The following SKI variants were observed in gnomAD, a reference collection of about 807,000 sequenced individuals.
SKI encodes the protein SKI proto-oncogene, also known as ski oncogene.
In SKI, 23 loss-of-function variants were observed where a neutral mutation model predicts 59.3. The observed-to-expected ratio is 0.39, with a 90% confidence interval of 0.28 to 0.55. The LOEUF (loss-of-function observed/expected upper bound fraction) is 0.55, where lower values mean the gene tolerates loss of function less well. Among genes scored for constraint, SKI ranks in the 20% least tolerant of loss-of-function variants. The pLI is 0.67. For synonymous variants in SKI, 673 were observed against 488.6 expected (o/e 1.38, Z -4.98); for missense variants, 1,017 against 1,038.9 (o/e 0.98, Z 0.29).
At chr1:2,288,152 C>T (rs996227979) in intron 1 of SKI, among the ~76,000 whole-genome samples, 2 of 152,170 alleles carry the variant, frequency 1.3e-5, no homozygotes, top group African/African-American at 4.8e-5. Context: ...CCACGCCTGG[C>T]TAATTTTTGT....
rs1346429371 is a variant in SKI at position 2,239,229 on chromosome 1, G to GT, written c.969+9503dup. Among the ~76,000 whole-genome samples, 15 of 151,954 alleles carry GT rather than the reference G, an allele frequency of 9.9e-5. No individual in the cohort carries two copies. In the South Asian group the frequency reaches 1.0e-3, roughly 11 times the overall value. On this transcript the variant is annotated intron_variant, in intron 1 of 6. Transcript: ENST00000378536. The stretch of plus-strand genomic sequence containing the variant: ...GACAGTTTTGTTGTAAATTTGCTAA[G>GT]TTTTTTTTTGCAGAACTATCAAAAC...
intron 1 of SKI, among the ~76,000 whole-genome samples, chr1:2,283,232 G>C (rs1237478517): frequency 6.6e-6 from 1 of 152,256 alleles, no homozygotes; most frequent in Non-Finnish European, 1.5e-5. Flanking sequence ...TCTGCTTACA[G>C]TTGAACACTT....
Position 2,229,811 on chromosome 1 carries a change from C to T in SKI, c.969+76C>T, listed in dbSNP as rs761314970. ...CCCCTTCTGGACTACAGGCTCTGGT[C>T]TCCGAAGGCTGGGACCTGTGCTTCT... On this transcript the variant is annotated intron_variant, in intron 1 of 6. Transcript: ENST00000378536. The surrounding 1 kb of genome is among the most constrained non-coding windows in gnomAD (Gnocchi z 6.3). 19 of 1,547,142 alleles carry T rather than the reference C, an allele frequency of 1.2e-5. No homozygotes were observed. Among genetic ancestry groups the T allele is most frequent in the Non-Finnish European group, 1.7e-5 (19 of 1,145,546 alleles).
At chr1:2,275,171 G>A (rs1303870801) in intron 1 of SKI, among the ~76,000 whole-genome samples, 1 of 152,244 alleles carries the variant, frequency 6.6e-6, no homozygotes, top group Non-Finnish European at 1.5e-5. Flanking sequence ...TTGGGGGCCC[G>A]GTGGAGATGT....
At chr1:2,273,442 T>G (rs1639672088) in intron 1 of SKI, among the ~76,000 whole-genome samples, 1 of 152,180 alleles carries the variant, frequency 6.6e-6, no homozygotes, top group South Asian at 2.1e-4. Context: ...ACTTCTCAGC[T>G]TGGCATGGGG....
chr1:2,264,771 C>G (rs970663895), intron 1 of SKI, among the ~76,000 whole-genome samples: 1 of 152,034 alleles, frequency 6.6e-6, no homozygotes, highest in African/African-American at 2.4e-5. Flanking sequence ...GAGAGATCTG[C>G]TCATCCTCTT....
chr1:2,233,303 G>C, intron 1 of SKI, among the ~76,000 whole-genome samples: 1 of 151,744 alleles, frequency 6.6e-6, no homozygotes, highest in South Asian at 2.1e-4. Flanking sequence ...TCTGGGCCGG[G>C]GGTCCTGCTC....
chr1:2,306,284 G>A, intron 6 of SKI, 34 bp downstream of exon 6: 1 of 1,509,478 alleles, frequency 6.6e-7, no homozygotes, highest in South Asian at 1.2e-5. Context: ...CACGCAGCAC[G>A]GTGGGCGTGG....
At chr1:2,264,013 TA>T (rs34137908) in intron 1 of SKI, among the ~76,000 whole-genome samples, 81,057 of 149,130 alleles carry the variant, frequency 0.54, 22,178 homozygotes, top group East Asian at 0.83. Context: ...CTGTTTCTAT[TA>T]AAAAAAAAAA....
intron 1 of SKI, among the ~76,000 whole-genome samples, chr1:2,276,973 A>G (rs879475024): frequency 6.6e-6 from 1 of 152,066 alleles, no homozygotes; most frequent in Non-Finnish European, 1.5e-5. Flanking sequence ...CATTGGGGAG[A>G]TTCCGACACA....
chr1:2,275,344 G>C (rs1639717838), intron 1 of SKI, among the ~76,000 whole-genome samples: 1 of 152,210 alleles, frequency 6.6e-6, no homozygotes, highest in Non-Finnish European at 1.5e-5. Flanking sequence ...GCTTCCTGTG[G>C]CTCCGCCGTC....
intron 1 of SKI, among the ~76,000 whole-genome samples, chr1:2,251,434 C>G (rs1169296443): frequency 6.6e-6 from 1 of 152,174 alleles, no homozygotes; most frequent in Non-Finnish European, 1.5e-5. Context: ...TGCCCCAGCC[C>G]CTGCTGAGGT....
At chr1:2,275,221 A>G (rs1339062394) in intron 1 of SKI, among the ~76,000 whole-genome samples, 2 of 152,186 alleles carry the variant, frequency 1.3e-5, no homozygotes, top group African/African-American at 2.4e-5. Flanking sequence ...TGGAAGGAAC[A>G]TCGGGCCCCT....
In SKI at chr1:2,303,603, T is replaced by G; in HGVS notation, c.1211+203T>G. On this transcript the variant is annotated intron_variant, in intron 3 of 6. Transcript: ENST00000378536. The surrounding 1 kb of genome is among the most constrained non-coding windows in gnomAD (Gnocchi z 5.6). Reference sequence around the variant, plus strand: ...CCTGTGTTCTGGGTGGAGTCGTGGGTGGAGCCCTGTCTGCTGGGCGCAGCT... The same window carrying G: ...CCTGTGTTCTGGGTGGAGTCGTGGGGGGAGCCCTGTCTGCTGGGCGCAGCT... 1.5e-6 allele frequency: 1 copy of G among 689,432 alleles called. No homozygotes were observed. The highest frequency in any genetic ancestry group is 2.4e-6 in the Non-Finnish European group (1 of 411,250). 42.7% of individuals were successfully genotyped at this position (689,432 alleles called of 1,614,324 possible).
At chr1:2,301,062 C>T (rs975481638) in intron 1 of SKI, among the ~76,000 whole-genome samples, 7 of 152,162 alleles carry the variant, frequency 4.6e-5, no homozygotes, top group Non-Finnish European at 1.0e-4. Context: ...GGCTTTTCCC[C>T]GGGTGATAAC....
Position 2,267,573 on chromosome 1 carries a change from T to C in SKI, c.970-35405T>C, listed in dbSNP as rs1569766913. Among the ~76,000 whole-genome samples the C allele has an allele frequency of 6.6e-6, 1 of 151,254 alleles. No homozygotes were observed. Among genetic ancestry groups the C allele is most frequent in the Non-Finnish European group, 1.5e-5 (1 of 67,860 alleles). Reference sequence around the variant, plus strand: ...GCCAGGCCTGAGGGCACTGAGGGAGTGGGGCATTAGGGGCCACGTGGTCAG... The same window carrying C: ...GCCAGGCCTGAGGGCACTGAGGGAGCGGGGCATTAGGGGCCACGTGGTCAG... On this transcript the variant is annotated intron_variant, in intron 1 of 6. Transcript: ENST00000378536. The surrounding 1 kb of genome is among the most constrained non-coding windows in gnomAD (Gnocchi z 4.1).
chr1:2,306,640 C>G lies in SKI; in HGVS notation c.2062C>G (p.Leu688Val). The G allele has an allele frequency of 1.3e-6, 2 of 1,544,966 alleles. No individual in the cohort carries two copies. The highest frequency in any genetic ancestry group is 1.2e-5 in the South Asian group (1 of 83,740). The change falls in exon 7 of 7, where the codon CTG (leucine) becomes GTG (valine). Residue 688 changes from leucine to valine, a missense_variant. Physicochemically the swap from Leu to Val is conservative, Grantham distance 32 (BLOSUM62 1). Transcript: ENST00000378536. Reference protein sequence around the residue: ...EADREQLRADLLREREAREHL... With the variant: ...EADREQLRADVLREREAREHL... ...GGACCGGGAGCAGCTGCGGGCCGAC[C>G]TGCTGCGGGAGCGCGAGGCCCGGGA...
At chr1:2,278,826 C>T (rs1206144689) in intron 1 of SKI, among the ~76,000 whole-genome samples, 9 of 152,194 alleles carry the variant, frequency 5.9e-5, no homozygotes, top group Non-Finnish European at 4.4e-5. Flanking sequence ...CACGTGCACA[C>T]AGGCCGTGAG....
In SKI at chr1:2,229,222, C is replaced by T. The variant is rs149898447; in HGVS notation, c.456C>T (p.Arg152=). The T allele has an allele frequency of 0.013, 20,581 of 1,608,254 alleles. 129 individuals carry two copies. Among genetic ancestry groups the T allele is most frequent in the Non-Finnish European group, 0.015 (17,665 of 1,177,910 alleles). The change falls in exon 1 of 7, where the codon CGC becomes CGT. Residue 152 remains arginine, a synonymous_variant. Coordinates refer to ENST00000378536, the MANE Select transcript of SKI (RefSeq NM_003036.4). This position sits in a 1 kb window ranked among gnomAD's most constrained non-coding sequence, Gnocchi z 6.3. ...ACGAGCTCCACATCTACTGCTCGCG[C>T]TGCACGGCCGACCAGCTGGAGATCC... The part of the protein sequence containing the change: ...VCDELHIYCS[R]CTADQLEILK...
Sources: allele counts gnomAD v4.1 joint callset (sites outside exome capture counted in the v4.1 genomes callset), GRCh38; gene constraint gnomAD v4.1.1; non-coding constraint Gnocchi (gnomAD v3.1); transcripts MANE v1.5; gene names NCBI Gene and HGNC (gene_info 2026-07-23, HGNC 2026-07-21).